Variants in BCR observed in about 807,000 individuals in gnomAD.
BCR encodes BCR activator of RhoGEF and GTPase, also known as breakpoint cluster region protein.
A neutral mutation model predicts 138.6 loss-of-function variants in BCR; 58 were observed. That is an observed-to-expected ratio of 0.42 (90% CI 0.34 to 0.52). The LOEUF (loss-of-function observed/expected upper bound fraction) is 0.52, where lower values mean the gene tolerates loss of function less well. BCR is among the 20% of genes least tolerant of loss of function. The pLI is 0.06. For synonymous variants in BCR, 786 were observed against 730.1 expected (o/e 1.08, Z -1.23); for missense variants, 1,599 against 1,727.2 (o/e 0.93, Z 1.32).
intron 1 of BCR, among the ~76,000 whole-genome samples, chr22:23,236,968 C>G (rs1456462284): frequency 6.6e-6 from 1 of 152,180 alleles, no homozygotes; most frequent in Non-Finnish European, 1.5e-5. Context: ...TTGAGCCAAG[C>G]TGTTATTCTT....
chr22:23,286,275 A>G (rs953738652), intron 10 of BCR, among the ~76,000 whole-genome samples: 18 of 152,180 alleles, frequency 1.2e-4, no homozygotes, highest in African/African-American at 4.3e-4. Flanking sequence ...AAGCCCCTCA[A>G]TCAAAGGTTA....
chr22:23,250,865 C>T (rs1304953960), intron 1 of BCR, among the ~76,000 whole-genome samples: 3 of 152,282 alleles, frequency 2.0e-5, no homozygotes, highest in East Asian at 1.9e-4. Context: ...GAGGCATGGG[C>T]GGCCTCAGTG....
intron 1 of BCR, among the ~76,000 whole-genome samples, chr22:23,194,987 T>C (rs750327978): frequency 6.6e-6 from 1 of 151,824 alleles, no homozygotes; most frequent in Non-Finnish European, 1.5e-5. Flanking sequence ...AAACCATTGC[T>C]TTTTTTTGGC....
intron 1 of BCR, among the ~76,000 whole-genome samples, chr22:23,228,971 T>C (rs2072922718): frequency 6.6e-6 from 1 of 152,196 alleles, no homozygotes; most frequent in Non-Finnish European, 1.5e-5. Context: ...CCTCTCTTTC[T>C]GGGACACCTG....
intron 8 of BCR, among the ~76,000 whole-genome samples, chr22:23,274,907 CAAAAAAAAAAAA>C (rs758602402): frequency 2.4e-5 from 2 of 84,018 alleles, no homozygotes; most frequent in East Asian, 6.6e-4. Context: ...AACTCCATCT[CAAAAAAAAAAAA>C]AAAAAAAAAA....
rs766094033 is a variant in BCR, at chr22:23,315,464, A to C, written c.3758A>C (p.Glu1253Ala). The change falls in exon 23 of 23, where the codon GAG (glutamate) becomes GCG (alanine). Residue 1253 changes from glutamate to alanine, a missense_variant. Around this residue, in one of 4 missense-constraint regions of BCR, gnomAD observed 177 missense variants for 226.4 expected, o/e 0.78. Transcript: ENST00000305877. ...GTGCTGCTGTACTTCCTGCAGCTGG[A>C]GGCCATCCCTGCCCCGGACAGCAAG... is the stretch of plus-strand genomic sequence containing the variant. ...VQVLLYFLQLEAIPAPDSKRQ... is the reference protein window; with the variant it reads ...VQVLLYFLQLAAIPAPDSKRQ... The C allele has an allele frequency of 6.2e-6, 10 of 1,613,158 alleles. No homozygotes were observed. The Admixed American group carries it at 8.3e-5, about 13-fold the overall frequency.
At chr22:23,262,288 G>A (rs954622020) in intron 4 of BCR, among the ~76,000 whole-genome samples, 1 of 152,230 alleles carries the variant, frequency 6.6e-6, no homozygotes, top group Non-Finnish European at 1.5e-5. Flanking sequence ...GGACTACCGA[G>A]ACACACAGCT....
At chr22:23,261,759 T>G (rs2073359654) in intron 4 of BCR, 1 of 330,542 alleles carries the variant, frequency 3.0e-6, no homozygotes, top group South Asian at 5.2e-5. Context: ...AATTTATATT[T>G]ATTTAGATAG....
At chr22:23,213,356 G>A (rs2072709642) in intron 1 of BCR, among the ~76,000 whole-genome samples, 1 of 152,202 alleles carries the variant, frequency 6.6e-6, no homozygotes, top group South Asian at 2.1e-4. Flanking sequence ...CAGGAGTCGG[G>A]CTGGGCTGAG....
chr22:23,216,611 A>T (rs1602024403), intron 1 of BCR, among the ~76,000 whole-genome samples: 1 of 152,268 alleles, frequency 6.6e-6, no homozygotes, highest in Non-Finnish European at 1.5e-5. Flanking sequence ...AAACCATCCC[A>T]AAGTTTAGAG....
At chr22:23,244,592 C>T (rs1311118919) in intron 1 of BCR, among the ~76,000 whole-genome samples, 3 of 152,196 alleles carry the variant, frequency 2.0e-5, no homozygotes, top group East Asian at 1.9e-4. Context: ...GCCCACGTCA[C>T]GTGACTCCAT....
At chr22:23,254,404 A>C in intron 2 of BCR, 2 of 492,952 alleles carry the variant, frequency 4.1e-6, no homozygotes, top group South Asian at 3.0e-5. Flanking sequence ...TTTCCTGTGA[A>C]TTTTCACTTG....
intron 1 of BCR, among the ~76,000 whole-genome samples, chr22:23,184,458 T>A (rs1390010962): frequency 6.6e-6 from 1 of 152,052 alleles, no homozygotes; most frequent in Non-Finnish European, 1.5e-5. Flanking sequence ...CCTCAGACAG[T>A]TTTTCTTTTT....
intron 5 of BCR, among the ~76,000 whole-genome samples, chr22:23,270,664 T>G (rs1305103704): frequency 6.6e-6 from 1 of 152,254 alleles, no homozygotes; most frequent in Admixed American, 6.5e-5. Flanking sequence ...TTGAGATGTT[T>G]CCTGCAGCAC....
At chr22:23,196,032 C>G (rs2072477093) in intron 1 of BCR, among the ~76,000 whole-genome samples, 1 of 152,240 alleles carries the variant, frequency 6.6e-6, no homozygotes, top group African/African-American at 2.4e-5. Flanking sequence ...CCACTTTCTG[C>G]AGTCACCATG....
At chr22:23,203,580 TAGGGAGGAGC>T (rs1255262327) in intron 1 of BCR, among the ~76,000 whole-genome samples, 12 of 152,176 alleles carry the variant, frequency 7.9e-5, no homozygotes, top group Admixed American at 2.0e-4. Context: ...CCAGCTTTGA[TAGGGAGGAGC>T]CCTGAGCTGG....
At chr22:23,313,046 A>C (rs771550692) in intron 20 of BCR, 25 bp downstream of exon 20, 7 of 1,547,660 alleles carry the variant, frequency 4.5e-6, no homozygotes, top group Non-Finnish European at 6.1e-6. Context: ...CCTTGGCCTC[A>C]TGGGAGACGT....
At chr22:23,192,451 G>A (rs767733174) in intron 1 of BCR, among the ~76,000 whole-genome samples, 4 of 152,232 alleles carry the variant, frequency 2.6e-5, no homozygotes, top group Non-Finnish European at 4.4e-5. Flanking sequence ...GTACAGTCAG[G>A]CAGGCCTTCC....
chr22:23,280,192 C>T (rs2073627921), intron 8 of BCR, among the ~76,000 whole-genome samples: 1 of 152,194 alleles, frequency 6.6e-6, no homozygotes, highest in South Asian at 2.1e-4. Flanking sequence ...TTCTTCCAGA[C>T]TGGCCTTCCT....
Sources: gnomAD v4.1 joint callset for allele counts (sites outside exome capture counted in the v4.1 genomes callset) on GRCh38, gnomAD v4.1.1 for gene constraint, gnomAD v4.1.1 regional missense constraint, MANE v1.5 for transcripts, NCBI Gene and HGNC (gene_info 2026-07-23, HGNC 2026-07-21) for gene names.